The following ROBO2 variants were observed in gnomAD, a reference collection of about 807,000 sequenced individuals.
ROBO2 encodes roundabout homolog 2.
In ROBO2, 53 loss-of-function variants were observed where a neutral mutation model predicts 160.8. The observed-to-expected ratio is 0.33, with a 90% confidence interval of 0.26 to 0.41. The LOEUF (loss-of-function observed/expected upper bound fraction) is 0.41. ROBO2 is among the 10% of genes least tolerant of loss of function. ROBO2 has a pLI of 1.00. For synonymous variants in ROBO2, 664 were observed against 611.7 expected (o/e 1.09, Z -1.26); for missense variants, 1,577 against 1,722.4 (o/e 0.92, Z 1.49).
chr3:77,322,117 G>A (rs1208649691), intron 2 of ROBO2, among the ~76,000 whole-genome samples: 1 of 152,126 alleles, frequency 6.6e-6, no homozygotes, highest in Non-Finnish European at 1.5e-5. Flanking sequence ...AATCAAATGA[G>A]AGAATATGAG....
chr3:76,942,679 C>A (rs1288967170), intron 2 of ROBO2, among the ~76,000 whole-genome samples: 1 of 152,084 alleles, frequency 6.6e-6, no homozygotes, highest in Non-Finnish European at 1.5e-5. Context: ...AAGTGCTGGT[C>A]TCAGGAAGAC....
chr3:76,214,799 G>A (rs144341013), intron 2 of ROBO2, among the ~76,000 whole-genome samples: 1 of 152,218 alleles, frequency 6.6e-6, no homozygotes, highest in Non-Finnish European at 1.5e-5. Context: ...CTGTCTGACA[G>A]CTTTGAAGAG....
chr3:76,758,339 A>G (rs1004144941), intron 2 of ROBO2, among the ~76,000 whole-genome samples: 1 of 151,764 alleles, frequency 6.6e-6, no homozygotes, highest in Non-Finnish European at 1.5e-5. Context: ...GCCTGTACTA[A>G]AACAGAGGAA....
At chr3:76,976,638 C>T (rs1013852637) in intron 2 of ROBO2, among the ~76,000 whole-genome samples, 1 of 152,124 alleles carries the variant, frequency 6.6e-6, no homozygotes, top group Admixed American at 6.6e-5. Context: ...CATAATTGTT[C>T]CCTTTACATT....
At chr3:76,210,484 G>T in intron 2 of ROBO2, among the ~76,000 whole-genome samples, 1 of 151,958 alleles carries the variant, frequency 6.6e-6, no homozygotes, top group Admixed American at 6.6e-5. Context: ...AACCCAAACA[G>T]TAGGTTATAT....
intron 2 of ROBO2, among the ~76,000 whole-genome samples, chr3:76,444,435 A>G (rs1330127266): frequency 5.3e-5 from 8 of 152,152 alleles, no homozygotes; most frequent in African/African-American, 1.9e-4. Context: ...GCTGCCCAAG[A>G]CTGAGTAATT....
At chr3:76,157,073 A>C (rs2072435722) in intron 2 of ROBO2, among the ~76,000 whole-genome samples, 1 of 152,140 alleles carries the variant, frequency 6.6e-6, no homozygotes. Flanking sequence ...GAACAGAGAG[A>C]ATTGATATCC....
chr3:76,997,110 C>T (rs947259309), intron 2 of ROBO2, among the ~76,000 whole-genome samples: 1 of 152,060 alleles, frequency 6.6e-6, no homozygotes, highest in Admixed American at 6.6e-5. Flanking sequence ...TATGCTACTC[C>T]ATATTTTACA....
chr3:77,291,771 A>C (rs1273397618), intron 2 of ROBO2, among the ~76,000 whole-genome samples: 2 of 151,908 alleles, frequency 1.3e-5, no homozygotes, highest in Non-Finnish European at 2.9e-5. Flanking sequence ...CATAAAGTAA[A>C]ATTGAAGATT....
chr3:76,640,304 G>C (rs1290936905), intron 2 of ROBO2, among the ~76,000 whole-genome samples: 2 of 152,204 alleles, frequency 1.3e-5, no homozygotes, highest in Non-Finnish European at 1.5e-5. Flanking sequence ...GCCTAGGGGA[G>C]CGGATTGCCT....
intron 2 of ROBO2, among the ~76,000 whole-genome samples, chr3:76,629,301 A>T (rs535582293): frequency 8.1e-4 from 123 of 152,298 alleles, no homozygotes; most frequent in Non-Finnish European, 1.1e-3. Context: ...TTCCAACTGC[A>T]TTAGTCAGGG....
intron 2 of ROBO2, among the ~76,000 whole-genome samples, chr3:76,162,652 T>C (rs2072685710): frequency 1.3e-5 from 2 of 152,136 alleles, no homozygotes; most frequent in Non-Finnish European, 2.9e-5. Flanking sequence ...TGTAGAAATA[T>C]AGGGAAATAT....
chr3:76,695,736 C>A (rs1307639780), intron 2 of ROBO2, among the ~76,000 whole-genome samples: 2 of 152,066 alleles, frequency 1.3e-5, no homozygotes, highest in African/African-American at 4.8e-5. Context: ...ACTCGTTCTC[C>A]CATTTTATAG....
intron 2 of ROBO2, among the ~76,000 whole-genome samples, chr3:75,961,912 CATT>C (rs879510789): frequency 6.6e-6 from 1 of 150,488 alleles, no homozygotes; most frequent in African/African-American, 2.4e-5. Flanking sequence ...GTCACAAAAA[CATT>C]AATCAATTGA....
At chr3:76,955,209 G>A (rs6548464) in intron 2 of ROBO2, among the ~76,000 whole-genome samples, 1 of 152,226 alleles carries the variant, frequency 6.6e-6, no homozygotes, top group African/African-American at 2.4e-5. Context: ...AACTTCATTT[G>A]TTTACTTGAC....
chr3:77,372,579 A>G (rs1264932952), intron 2 of ROBO2, among the ~76,000 whole-genome samples: 1 of 152,168 alleles, frequency 6.6e-6, no homozygotes, highest in African/African-American at 2.4e-5. Context: ...TTAAAGTCAT[A>G]GAATAATTGC....
At chr3:76,004,628 T>A (rs1270137412) in intron 2 of ROBO2, among the ~76,000 whole-genome samples, 1 of 152,122 alleles carries the variant, frequency 6.6e-6, no homozygotes, top group Non-Finnish European at 1.5e-5. Context: ...CGGGGTCTCT[T>A]ATAAAAAGCT....
chr3:76,892,148 T>G (rs2074396822), intron 2 of ROBO2, among the ~76,000 whole-genome samples: 1 of 151,908 alleles, frequency 6.6e-6, no homozygotes. Context: ...AATGGGAAGG[T>G]AAGAAGCGTC....
chr3:77,561,947 T>C (rs935822066), intron 9 of ROBO2, among the ~76,000 whole-genome samples: 8 of 152,010 alleles, frequency 5.3e-5, no homozygotes, highest in African/African-American at 1.9e-4. Context: ...CTACTAAAAA[T>C]ACAATGTTAG....
Sources: allele counts gnomAD v4.1 joint callset (sites outside exome capture counted in the v4.1 genomes callset), GRCh38; gene constraint gnomAD v4.1.1; transcripts MANE v1.5; gene names NCBI Gene and HGNC (gene_info 2026-07-23, HGNC 2026-07-21).